Variants in STK32C observed in about 807,000 individuals in gnomAD.
STK32C encodes the protein serine/threonine kinase 32C.
Under a neutral mutation model 56.5 loss-of-function variants are expected in STK32C, and 31 were observed. The observed-to-expected ratio is 0.55, with a 90% confidence interval of 0.41 to 0.74. STK32C has a LOEUF of 0.74. Ranked by LOEUF, STK32C falls within the 30% of genes least tolerant of loss-of-function variation. The pLI is 0.00. For missense variants in STK32C, 544 were observed against 676.9 expected (o/e 0.80, Z 2.18); for synonymous variants, 309 against 289.4 (o/e 1.07, Z -0.69).
chr10:132,258,825 G>C (rs57777404), intron 1 of STK32C, among the ~76,000 whole-genome samples: 3 of 152,202 alleles, frequency 2.0e-5, no homozygotes, highest in African/African-American at 7.2e-5. Context: ...CCACAGTGCC[G>C]AGGAGGGGCT....
intron 1 of STK32C, among the ~76,000 whole-genome samples, chr10:132,284,903 T>C (rs12772712): frequency 0.095 from 2,320 of 24,524 alleles, no homozygotes; most frequent in African/African-American, 0.13. Flanking sequence ...CCCACGTCTG[T>C]CCAAAGACCA....
At chr10:132,291,040 C>T (rs2065548047) in intron 1 of STK32C, among the ~76,000 whole-genome samples, 1 of 152,252 alleles carries the variant, frequency 6.6e-6, no homozygotes, top group Admixed American at 6.5e-5. Context: ...CGATAACAGC[C>T]CTCATGGCTG....
chr10:132,239,650 G>A (rs530423877), intron 2 of STK32C, among the ~76,000 whole-genome samples: 4 of 152,332 alleles, frequency 2.6e-5, no homozygotes, highest in Admixed American at 1.3e-4. Context: ...AGGCCCAGCC[G>A]CCCGCAGTGA....
At chr10:132,311,381 A>C (rs1342926897), upstream of STK32C, among the ~76,000 whole-genome samples, 1 of 152,242 alleles carries the variant, frequency 6.6e-6, no homozygotes, top group African/African-American at 2.4e-5. This position sits in a 1 kb window ranked among gnomAD's most constrained non-coding sequence, Gnocchi z 4.4. Flanking sequence ...GAATCCACGG[A>C]CAGCCTCCCT....
chr10:132,281,740 A>T (rs2065214293), intron 1 of STK32C, among the ~76,000 whole-genome samples: 1 of 152,180 alleles, frequency 6.6e-6, no homozygotes. Context: ...GAAAAGACAG[A>T]TTCCCTCCCG....
intron 1 of STK32C, among the ~76,000 whole-genome samples, chr10:132,254,813 CAA>C (rs1212651375): frequency 1.3e-5 from 2 of 152,222 alleles, no homozygotes; most frequent in African/African-American, 4.8e-5. Context: ...AAGGCTGTCT[CAA>C]GAGCTGGAGA....
chr10:132,291,311 C>G (rs1044282302), intron 1 of STK32C, among the ~76,000 whole-genome samples: 4 of 152,216 alleles, frequency 2.6e-5, no homozygotes, highest in Non-Finnish European at 4.4e-5. Context: ...ACAGGAAGGA[C>G]AGGCTCCACT....
chr10:132,240,067 C>T (rs1341750235), intron 2 of STK32C, among the ~76,000 whole-genome samples: 2 of 152,246 alleles, frequency 1.3e-5, no homozygotes, highest in South Asian at 4.2e-4. Context: ...CTGGAGAGCA[C>T]GAGGCCCCCC....
intron 7 of STK32C, 25 bp from the exon 8 acceptor site, chr10:132,224,548 G>A (rs1219784951): frequency 1.3e-6 from 2 of 1,553,746 alleles, no homozygotes; most frequent in Non-Finnish European, 1.8e-6. Flanking sequence ...GCAGTGCTGG[G>A]CAGGTCCTCC....
At position 132,209,085 on chromosome 10, in the gene STK32C, T is replaced by G. The variant is rs536088264; in HGVS notation, c.1268A>C (p.Gln423Pro). 1 of 1,613,906 alleles carries G rather than the reference T, an allele frequency of 6.2e-7. No individual in the cohort carries two copies. The highest frequency in any genetic ancestry group is 1.1e-5 in the South Asian group (1 of 91,078). The change falls in exon 11 of 12, where the codon CAA becomes CCA. Residue 423 changes from glutamine (Q) to proline (P), a missense_variant. Around this residue, in one of 3 missense-constraint regions of STK32C, gnomAD observed 277 missense variants for 309.3 expected, o/e 0.90. Transcript: ENST00000298630. ...TTGCTGGATGGCATCGAGGCAGTCT[T>G]GAAGATAGTCATTCTCCTGTGGATG... is the stretch of plus-strand genomic sequence containing the variant. ...DSSQSENDYL[Q>P]DCLDAIQQDF...
rs530669115 is a variant in STK32C at position 132,266,493 on chromosome 10, A to G, written c.263-20538T>C. Among the ~76,000 whole-genome samples, 18 of 152,286 alleles carry G rather than the reference A, an allele frequency of 1.2e-4. 1 individual carries two copies. The South Asian group carries it at 3.7e-3, about 32-fold the overall frequency. On this transcript the variant is annotated intron_variant, in intron 1 of 11. Coordinates refer to ENST00000298630, the MANE Select transcript of STK32C (RefSeq NM_173575.4). ...ATACCTCAATACAAATAAATAGATC[A>G]TCTAGATCAGGGACATTCTGTAGTG...
rs1438288172 is a variant in STK32C at position 132,307,896 on chromosome 10, G to A, written c.-63C>T. The A allele has an allele frequency of 4.4e-6, 5 of 1,130,370 alleles. No individual in the cohort carries two copies. In the African/African-American group the frequency reaches 6.9e-5, roughly 16 times the overall value. The allele number at this position is 1,130,370 out of a possible 1,614,324, so 70.0% of individuals were successfully genotyped here. A position where few individuals can be genotyped will look rare whatever the true frequency, so the allele number is the denominator to read the frequency against. On this transcript the variant is annotated 5_prime_UTR_variant, in exon 1 of 12. Coordinates refer to ENST00000298630, the MANE Select transcript of STK32C (RefSeq NM_173575.4). This position sits in a 1 kb window ranked among gnomAD's most constrained non-coding sequence, Gnocchi z 4.4. ...GCATGGCCGGCCGGCAGGGCCGGGA[G>A]CGGCAGTGGTAGCGGGAGCGCTCGG...
At chr10:132,244,266 C>T (rs538259336) in intron 2 of STK32C, among the ~76,000 whole-genome samples, 3 of 152,218 alleles carry the variant, frequency 2.0e-5, no homozygotes, top group Admixed American at 6.5e-5. Flanking sequence ...CATCTGAACA[C>T]GGCACCCAGC....
intron 1 of STK32C, among the ~76,000 whole-genome samples, chr10:132,251,415 T>G (rs1186536269): frequency 6.6e-6 from 1 of 152,144 alleles, no homozygotes; most frequent in Non-Finnish European, 1.5e-5. Context: ...TCATGTCACT[T>G]GATCTGGGCC....
exon 1 of STK32C, chr10:132,331,697 C>A: frequency 6.2e-7 from 1 of 1,612,782 alleles, no homozygotes; most frequent in South Asian, 1.1e-5. Context: ...GCAGCCCCGC[C>A]CGCCCCGGGC....
chr10:132,286,738 G>A (rs562835091), intron 1 of STK32C, among the ~76,000 whole-genome samples: 9 of 152,232 alleles, frequency 5.9e-5, no homozygotes, highest in African/African-American at 2.2e-4. Context: ...CAAACTAAGA[G>A]GAGAAGGAGA....
At chr10:132,267,463 G>A (rs1373515340) in intron 1 of STK32C, among the ~76,000 whole-genome samples, 2 of 151,784 alleles carry the variant, frequency 1.3e-5, no homozygotes, top group Non-Finnish European at 2.9e-5. Flanking sequence ...GCATGTGTAT[G>A]TGGGTTCAGC....
chr10:132,238,514 T>A (rs966679723), intron 2 of STK32C, among the ~76,000 whole-genome samples: 55 of 152,174 alleles, frequency 3.6e-4, no homozygotes, highest in African/African-American at 1.3e-3. Context: ...TGAGCAGGTT[T>A]GAGACTGGCC....
intron 1 of STK32C, among the ~76,000 whole-genome samples, chr10:132,249,982 T>C (rs2063837458): frequency 6.6e-6 from 1 of 152,236 alleles, no homozygotes; most frequent in Non-Finnish European, 1.5e-5. Flanking sequence ...CCAGCCGGAA[T>C]CTGTCAAAAC....
Sources: allele counts gnomAD v4.1 joint callset (sites outside exome capture counted in the v4.1 genomes callset), GRCh38; gene constraint gnomAD v4.1.1; regional missense constraint gnomAD v4.1.1; non-coding constraint Gnocchi (gnomAD v3.1); transcripts MANE v1.5; gene names NCBI Gene and HGNC (gene_info 2026-07-23, HGNC 2026-07-21).